RAD17: variants seen among roughly 807,000 people sequenced by gnomAD.
RAD17 encodes the protein RAD17 checkpoint clamp loader component.
In RAD17, 31 loss-of-function variants were observed where a neutral mutation model predicts 81.5. The observed-to-expected ratio is 0.38, with a 90% CI of 0.29 to 0.51. The LOEUF (loss-of-function observed/expected upper bound fraction) is 0.51, where lower values mean the gene tolerates loss of function less well. RAD17 is among the 20% of genes least tolerant of loss of function. The pLI is 0.88. For synonymous variants in RAD17, 261 were observed against 266.2 expected, an observed-to-expected ratio of 0.98 and a Z score of 0.19; for missense variants, 681 against 781.2, an observed-to-expected ratio of 0.87 and a Z score of 1.53.
chr5:69,408,686 T>C (rs529259105), intron 17 of RAD17, among the ~76,000 whole-genome samples: 1 of 152,148 alleles, frequency 6.6e-6, no homozygotes, highest in South Asian at 2.1e-4. Context: ...AATTTTTCTA[T>C]TTTTAGTAGA....
chr5:69,396,400 C>T lies in RAD17; in HGVS notation c.1426C>T (p.Arg476Cys), dbSNP rs142142517. 2.4e-4 allele frequency: 378 copies of T among 1,607,818 alleles called. No individual in the cohort carries two copies. Among genetic ancestry groups the T allele is most frequent in the Non-Finnish European group, 3.0e-4 (352 of 1,176,912 alleles). ...CACATCTTGTCTCATTTGTTAGACA[C>T]GCTCTTTACTCAGGGAATATAGCAC... is the stretch of plus-strand genomic sequence containing the variant. Reference protein sequence around the residue: ...ADILSGDWNTRSLLREYSTSI... With the variant: ...ADILSGDWNTCSLLREYSTSI... The change falls in exon 16 of 19, where the codon CGC becomes TGC. Residue 476 changes from arginine (R) to cysteine (C), a missense_variant. By Grantham distance (180) the Arg-to-Cys change is radical. Coordinates refer to ENST00000354868, the MANE Select transcript of RAD17 (RefSeq NM_133338.3).
chr5:69,377,474 T>TATATATATATATACAC (rs1322869343), intron 6 of RAD17, among the ~76,000 whole-genome samples: 1 of 10,180 alleles, frequency 9.8e-5, no homozygotes, highest in Non-Finnish European at 3.9e-4. Flanking sequence ...TATATATATA[T>TATATATATATATACAC]ACACACACAC....
chr5:69,388,660 G>A (rs1764362140), intron 11 of RAD17, among the ~76,000 whole-genome samples: 1 of 151,940 alleles, frequency 6.6e-6, no homozygotes, highest in Admixed American at 6.6e-5. Context: ...AGGCTGGAGT[G>A]CAGTGGCAAG....
chr5:69,373,135 A>G (rs997938369), intron 4 of RAD17, among the ~76,000 whole-genome samples: 20 of 152,150 alleles, frequency 1.3e-4, no homozygotes, highest in Non-Finnish European at 4.4e-5. Context: ...CAAGGCAGAT[A>G]TATTACTCTT....
rs71576921 is a variant in RAD17, at chr5:69,377,673, A to G, written c.351+2962A>G. On this transcript the variant is annotated intron_variant, in intron 6 of 18. Transcript: ENST00000354868. ...TGCATATATATATGTATACATATAT[A>G]TATGCATATATATATATGTATACAT... Among the ~76,000 whole-genome samples the G allele has an allele frequency of 4.9e-3, 87 of 17,716 alleles. 15 individuals carry two copies. The highest frequency in any genetic ancestry group is 8.5e-3 in the Admixed American group (11 of 1,288). The allele number at this position is 17,716 out of a possible 152,430, so 11.6% of individuals were successfully genotyped here.
chr5:69,401,218 A>C (rs1000264601), intron 17 of RAD17, among the ~76,000 whole-genome samples: 1 of 152,168 alleles, frequency 6.6e-6, no homozygotes, highest in African/African-American at 2.4e-5. Context: ...AAAAAAGAAA[A>C]AAGTTTCTAA....
Position 69,396,471 on chromosome 5 carries a change from A to G in RAD17, c.1497A>G (p.Gly499=). Residue 499 remains glycine, a synonymous_variant, in exon 16 of 19, where the codon GGA becomes GGG. Transcript: ENST00000354868. The part of the protein sequence containing the change: ...RGVMHSNKAR[G]YAHCQGGGSS... ...TGATGCATTCCAACAAAGCCCGAGGATATGCTCATTGCCAAGGAGGAGGAT... is the reference window on the plus strand; with the variant it reads ...TGATGCATTCCAACAAAGCCCGAGGGTATGCTCATTGCCAAGGAGGAGGAT... 1.9e-6 allele frequency: 3 copies of G among 1,613,590 alleles called. No homozygotes were observed.
upstream of RAD17, chr5:69,369,565 G>A: frequency 6.2e-7 from 1 of 1,607,944 alleles, no homozygotes; most frequent in East Asian, 2.2e-5. Flanking sequence ...GAAGGGGCGG[G>A]CGGCAGCAAA....
chr5:69,387,805 C>T (rs545177303), intron 11 of RAD17, among the ~76,000 whole-genome samples: 9 of 152,066 alleles, frequency 5.9e-5, no homozygotes, highest in South Asian at 4.1e-4. Flanking sequence ...TGCAGTGAGC[C>T]GAGATTGCGC....
intron 4 of RAD17, among the ~76,000 whole-genome samples, chr5:69,373,146 A>G (rs1763108709): frequency 6.6e-6 from 1 of 152,076 alleles, no homozygotes. Flanking sequence ...TATTACTCTT[A>G]TTGCTGTTTC....
intron 15 of RAD17, among the ~76,000 whole-genome samples, chr5:69,393,908 GTTTTTTTT>G (rs34500104): frequency 1.4e-5 from 1 of 73,106 alleles, no homozygotes; most frequent in African/African-American, 5.4e-5. Flanking sequence ...TGTTATGGTG[GTTTTTTTT>G]TTTTTTTTTT....
At chr5:69,405,129 G>A (rs1205793437) in intron 17 of RAD17, among the ~76,000 whole-genome samples, 2 of 152,234 alleles carry the variant, frequency 1.3e-5, no homozygotes, top group East Asian at 1.9e-4. Context: ...TGGCTAGGGT[G>A]TGGAGAAAAG....
In RAD17 at chr5:69,414,274, C is replaced by T. The variant is rs925365920; in HGVS notation, c.1995C>T (p.Tyr665=). ...DMEENIIIED[Y]ESDGT ...AAGAAAACATAATAATAGAAGACTA[C>T]GAGAGTGATGGGACATAGAAGCCAG... Residue 665 remains tyrosine, a synonymous_variant, in exon 19 of 19, where the codon TAC becomes TAT. Coordinates refer to ENST00000354868, the MANE Select transcript of RAD17 (RefSeq NM_133338.3). 9.9e-6 allele frequency: 16 copies of T among 1,613,916 alleles called. No individual in the cohort carries two copies. The highest frequency in any genetic ancestry group is 4.5e-5 in the East Asian group (2 of 44,898).
At chr5:69,406,367 GA>G (rs1386785421) in intron 17 of RAD17, among the ~76,000 whole-genome samples, 2 of 151,134 alleles carry the variant, frequency 1.3e-5, no homozygotes, top group Non-Finnish European at 3.0e-5. Flanking sequence ...CACAGAATGG[GA>G]TTACCATGGG....
intron 18 of RAD17, among the ~76,000 whole-genome samples, 157 bp from the exon 19 acceptor site, chr5:69,413,874 T>C (rs17230229): frequency 1.2e-3 from 185 of 152,368 alleles, no homozygotes; most frequent in African/African-American, 4.3e-3. Context: ...ATTCAGTTTG[T>C]CATTTACCTT....
intron 6 of RAD17, among the ~76,000 whole-genome samples, chr5:69,381,140 G>T (rs567556515): frequency 3.3e-5 from 5 of 151,860 alleles, no homozygotes; most frequent in South Asian, 2.1e-4. Context: ...TAAGAATATT[G>T]TATTTGTATA....
chr5:69,373,931 A>T lies in RAD17; in HGVS notation c.111A>T (p.Arg37Ser). 1 of 1,613,284 alleles carries T rather than the reference A, an allele frequency of 6.2e-7. No individual in the cohort carries two copies. Among genetic ancestry groups the T allele is most frequent in the Non-Finnish European group, 8.5e-7 (1 of 1,179,414 alleles). ...TSLGVNNSSH[R>S]RKNGPSTLES... ...TAGGTGTGAATAACTCAAGTCATAG[A>T]AGAAAAAATGGGCCTTCTACATTAG... The change falls in exon 5 of 19, where the codon AGA (arginine) becomes AGT (serine). Residue 37 changes from arginine (R) to serine (S), a missense_variant. Coordinates refer to ENST00000354868, the MANE Select transcript of RAD17 (RefSeq NM_133338.3).
At chr5:69,413,111 T>C (rs1766113379) in intron 18 of RAD17, among the ~76,000 whole-genome samples, 1 of 152,186 alleles carries the variant, frequency 6.6e-6, no homozygotes, top group Non-Finnish European at 1.5e-5. Flanking sequence ...TGTGCCCATT[T>C]TTCTATTTCA....
chr5:69,393,962 C>T (rs1764711622), intron 15 of RAD17, among the ~76,000 whole-genome samples: 1 of 125,894 alleles, frequency 7.9e-6, no homozygotes, highest in Admixed American at 1.0e-4. Flanking sequence ...GCTATGTTAC[C>T]CAGTCTGGTC....
Sources: gnomAD v4.1 joint callset for allele counts (sites outside exome capture counted in the v4.1 genomes callset) on GRCh38, gnomAD v4.1.1 for gene constraint, MANE v1.5 for transcripts, NCBI Gene and HGNC (gene_info 2026-07-23, HGNC 2026-07-21) for gene names.